The following VWA2 variants were observed in gnomAD, a reference collection of about 807,000 sequenced individuals.
VWA2 encodes the protein von Willebrand factor A domain-containing protein 2.
A neutral mutation model predicts 70.4 loss-of-function variants in VWA2; 73 were observed. That is an observed-to-expected ratio of 1.04 (90% CI 0.86 to 1.26). VWA2 has a LOEUF of 1.26. Ranked by LOEUF, VWA2 falls within the 50% of genes most tolerant of loss-of-function variation. VWA2 has a pLI of 0.00. For missense variants in VWA2, 1,011 were observed against 998.5 expected (o/e 1.01, Z -0.17); for synonymous variants, 407 against 423.3 (o/e 0.96, Z 0.47).
chr10:114,275,411 G>A (rs1338276538), intron 6 of VWA2, among the ~76,000 whole-genome samples: 5 of 152,136 alleles, frequency 3.3e-5, no homozygotes, highest in Non-Finnish European at 5.9e-5. Context: ...CCCTCTGCCC[G>A]CCGTTTCCCA....
chr10:114,291,140 A>AGG, intron 13 of VWA2, 78 bp from the exon 14 acceptor site: 1 of 1,505,208 alleles, frequency 6.6e-7, no homozygotes, highest in South Asian at 1.2e-5. Context: ...CAGGACCTGA[A>AGG]GGGGTCCTCA....
At chr10:114,242,623 A>AGTGCATCTGTGTACCG (rs2036994256) in intron 1 of VWA2, among the ~76,000 whole-genome samples, 1 of 152,038 alleles carries the variant, frequency 6.6e-6, no homozygotes, top group South Asian at 2.1e-4. Context: ...TCTGTGTACC[A>AGTGCATCTGTGTACCG]GTGCATCTGT....
chr10:114,255,178 C>T, intron 4 of VWA2, 130 bp downstream of exon 4: 1 of 1,178,522 alleles, frequency 8.5e-7, no homozygotes, highest in East Asian at 2.4e-5. Flanking sequence ...AATCCTGGTT[C>T]CTGGCATGGT....
chr10:114,265,998 T>C (rs554219459), intron 5 of VWA2, among the ~76,000 whole-genome samples: 66 of 152,246 alleles, frequency 4.3e-4, no homozygotes, highest in Middle Eastern at 3.4e-3. Flanking sequence ...AAGTTTTCTT[T>C]TTAAATTTTC....
chr10:114,268,888 G>C (rs1478429454), intron 5 of VWA2, among the ~76,000 whole-genome samples: 2 of 152,000 alleles, frequency 1.3e-5, no homozygotes, highest in Non-Finnish European at 2.9e-5. Context: ...GTAGCAACAG[G>C]GTTTTACCAT....
At chr10:114,257,581 G>A (rs1160769261) in intron 4 of VWA2, among the ~76,000 whole-genome samples, 3 of 152,188 alleles carry the variant, frequency 2.0e-5, no homozygotes, top group Non-Finnish European at 4.4e-5. Flanking sequence ...AAGAACTGGG[G>A]CTTTTGACTC....
At chr10:114,244,381 G>A (rs1050305384) in intron 1 of VWA2, among the ~76,000 whole-genome samples, 2 of 152,142 alleles carry the variant, frequency 1.3e-5, no homozygotes, top group African/African-American at 2.4e-5. Flanking sequence ...CCCCAGAACC[G>A]GGAAGGTGAC....
At chr10:114,269,098 T>C (rs1387225106) in intron 5 of VWA2, among the ~76,000 whole-genome samples, 4 of 152,210 alleles carry the variant, frequency 2.6e-5, no homozygotes, top group Non-Finnish European at 5.9e-5. Flanking sequence ...GACAGTTTTC[T>C]TGTGGTAACC....
chr10:114,290,170 C>T, intron 12 of VWA2, 70 bp from the exon 13 acceptor site: 3 of 1,531,284 alleles, frequency 2.0e-6, no homozygotes, highest in Non-Finnish European at 2.6e-6. Flanking sequence ...ACTGGGCTTA[C>T]TTAGGGTAGG....
At chr10:114,268,992 G>A (rs1194421719) in intron 5 of VWA2, among the ~76,000 whole-genome samples, 2 of 151,656 alleles carry the variant, frequency 1.3e-5, no homozygotes, top group East Asian at 1.9e-4. Context: ...GATTACAGGC[G>A]TGAGCCACCG....
rs555976680 is a variant in VWA2, at chr10:114,242,923, C to T, written c.-11+3354C>T. Among the ~76,000 whole-genome samples the T allele has an allele frequency of 3.0e-4, 45 of 152,238 alleles. No individual in the cohort carries two copies. In the Middle Eastern group the frequency reaches 0.01, roughly 35 times the overall value. ...TACAACACTGGGGGAGTTTATGAAA[C>T]AGATTCTCCCCATTTGGCAGATGAG... On this transcript the variant is annotated intron_variant, in intron 1 of 13. Transcript: ENST00000392982.
At chr10:114,287,417 G>A (rs538979894) in intron 11 of VWA2, among the ~76,000 whole-genome samples, 37 of 152,222 alleles carry the variant, frequency 2.4e-4, no homozygotes, top group African/African-American at 7.0e-4. Flanking sequence ...CTGGGCTCAA[G>A]CAATCCACCC....
chr10:114,256,832 C>T (rs111572813), intron 4 of VWA2, among the ~76,000 whole-genome samples: 3,683 of 150,824 alleles, frequency 0.024, 154 homozygotes, highest in African/African-American at 0.083. Context: ...ATCGCTTGAA[C>T]CCAGGAGGCA....
chr10:114,254,992 A>G lies in VWA2; in HGVS notation c.205A>G (p.Arg69Gly). 1 of 1,613,186 alleles carries G rather than the reference A, an allele frequency of 6.2e-7. No individual in the cohort carries two copies. ...SNSVGKGSFE[R>G]SKHFAITVCD... ...CAGCGTCGGGAAAGGGAGCTTTGAA[A>G]GGTCCAAGCACTTTGCCATCACAGT... is the stretch of plus-strand genomic sequence containing the variant. Residue 69 changes from arginine (R) to glycine (G), a missense_variant, in exon 4 of 14, where the codon AGG becomes GGG. Arg to Gly is a moderately radical substitution (Grantham distance 125). Coordinates refer to ENST00000392982, the MANE Select transcript of VWA2 (RefSeq NM_001272046.2).
chr10:114,246,998 G>T (rs1351331761), intron 1 of VWA2, among the ~76,000 whole-genome samples: 1 of 152,120 alleles, frequency 6.6e-6, no homozygotes, highest in African/African-American at 2.4e-5. Flanking sequence ...CCCTCAGCCT[G>T]GGCCAGGCAT....
intron 9 of VWA2, 96 bp downstream of exon 9, chr10:114,282,667 G>A (rs2038311678): frequency 2.7e-6 from 3 of 1,093,138 alleles, no homozygotes; most frequent in African/African-American, 1.5e-5. Flanking sequence ...AGAGGGTGGG[G>A]TTGTGACTGG....
Position 114,291,228 on chromosome 10 carries a change from A to G in VWA2, c.2259A>G (p.Arg753=). 1 of 1,550,420 alleles carries G rather than the reference A, an allele frequency of 6.4e-7. No individual in the cohort carries two copies. Among genetic ancestry groups the G allele is most frequent in the Non-Finnish European group, 8.7e-7 (1 of 1,146,944 alleles). ...CACTTCCTTCCCCAGGATTCTTGAG[A>G]CGCCCCTGAGGCACATGGCTCCCGT... ...EGPHCENRFL[R]RP is the part of the protein sequence containing the mutation. The change falls in exon 14 of 14, where the codon AGA becomes AGG. Residue 753 remains arginine (R), a synonymous_variant. Transcript: ENST00000392982.
In VWA2 at chr10:114,284,944, T is replaced by C; in HGVS notation, c.971T>C (p.Leu324Pro). The C allele has an allele frequency of 6.2e-7, 1 of 1,603,798 alleles. No individual in the cohort carries two copies. Among genetic ancestry groups the C allele is most frequent in the Non-Finnish European group, 8.5e-7 (1 of 1,176,126 alleles). The change falls in exon 10 of 14, where the codon CTG becomes CCG. Residue 324 changes from leucine (L) to proline (P), a missense_variant. Physicochemically the swap from Leu to Pro is moderately conservative, Grantham distance 98. Transcript: ENST00000392982. ...GACGGCTACCAGTGCCTCTGCCCGC[T>C]GGCCTTTGGAGGGGAGGCTAACTGT... is the stretch of plus-strand genomic sequence containing the variant. ...GLDGYQCLCP[L>P]AFGGEANCAL...
rs189946618 is a variant in VWA2, at chr10:114,291,231, C to T, written c.2262C>T (p.Arg754=). The T allele has an allele frequency of 1.5e-5, 23 of 1,550,482 alleles. No homozygotes were observed. In the East Asian group the frequency reaches 3.7e-4, roughly 25 times the overall value. Residue 754 remains arginine, a synonymous_variant, in exon 14 of 14, where the codon CGC becomes CGT. Transcript: ENST00000392982. ...TTCCTTCCCCAGGATTCTTGAGACG[C>T]CCCTGAGGCACATGGCTCCCGTGCA... is the stretch of plus-strand genomic sequence containing the variant. ...GPHCENRFLR[R]P
Sources: allele counts gnomAD v4.1 joint callset (sites outside exome capture counted in the v4.1 genomes callset), GRCh38; gene constraint gnomAD v4.1.1; transcripts MANE v1.5; gene names NCBI Gene and HGNC (gene_info 2026-07-23, HGNC 2026-07-21).